RIMS2: variants seen among roughly 807,000 people sequenced by gnomAD.
RIMS2 encodes regulating synaptic membrane exocytosis 2.
Under a neutral mutation model 174.4 loss-of-function variants are expected in RIMS2, and 59 were observed. The observed-to-expected ratio is 0.34, with a 90% CI of 0.27 to 0.42. The LOEUF (loss-of-function observed/expected upper bound fraction) is 0.42, where lower values mean the gene tolerates loss of function less well. RIMS2 is among the 10% of genes least tolerant of loss of function. RIMS2 has a pLI of 1.00. For missense variants in RIMS2, 1,620 were observed against 1,666.3 expected (o/e 0.97, Z 0.48); for synonymous variants, 606 against 572.5 (o/e 1.06, Z -0.84).
At chr8:103,764,894 G>A (rs1431396954) in intron 2 of RIMS2, among the ~76,000 whole-genome samples, 1 of 151,766 alleles carries the variant, frequency 6.6e-6, no homozygotes, top group Non-Finnish European at 1.5e-5. Flanking sequence ...ATTTAATTGG[G>A]GAGAAAAGAA....
intron 19 of RIMS2, 52 bp downstream of exon 25, chr8:104,148,900 A>T (rs969623883): frequency 6.5e-7 from 1 of 1,546,028 alleles, no homozygotes; most frequent in African/African-American, 1.4e-5. Flanking sequence ...TCATTACAAG[A>T]TATATTTCTT....
chr8:103,688,904 T>C (rs1358034727), intron 1 of RIMS2, among the ~76,000 whole-genome samples: 1 of 152,110 alleles, frequency 6.6e-6, no homozygotes, highest in African/African-American at 2.4e-5. Flanking sequence ...TGGGCTTAGT[T>C]TGTTCTTCTT....
chr8:104,087,114 C>A (rs2097549604), intron 19 of RIMS2, among the ~76,000 whole-genome samples: 1 of 152,058 alleles, frequency 6.6e-6, no homozygotes, highest in South Asian at 2.1e-4. Flanking sequence ...GGTGACTAAA[C>A]TCTATACAGC....
chr8:103,880,526 C>A, intron 3 of RIMS2: 1 of 388,824 alleles, frequency 2.6e-6, no homozygotes, highest in Non-Finnish European at 4.6e-6. Context: ...TGAAATAAAA[C>A]AATTGTAAAC....
At chr8:103,506,066 C>T (rs1325345089) in intron 1 of RIMS2, among the ~76,000 whole-genome samples, 2 of 151,776 alleles carry the variant, frequency 1.3e-5, no homozygotes, top group Non-Finnish European at 2.9e-5. Flanking sequence ...TTAAAAAGTA[C>T]CAATTGAATC....
intron 1 of RIMS2, among the ~76,000 whole-genome samples, chr8:103,608,605 C>T (rs554960915): frequency 6.7e-6 from 1 of 150,284 alleles, no homozygotes; most frequent in African/African-American, 2.5e-5. Context: ...TGCCGCCTTG[C>T]AGTTTGATCT....
intron 1 of RIMS2, among the ~76,000 whole-genome samples, chr8:103,578,814 C>T (rs955402665): frequency 6.3e-5 from 6 of 95,732 alleles, no homozygotes; most frequent in Non-Finnish European, 1.2e-4. Flanking sequence ...CCAGCCTGGC[C>T]AACTGTTTCT....
At chr8:103,867,491 A>T (rs1047348166) in intron 3 of RIMS2, among the ~76,000 whole-genome samples, 5 of 151,980 alleles carry the variant, frequency 3.3e-5, no homozygotes, top group Admixed American at 1.3e-4. Flanking sequence ...TAACCTTTTA[A>T]GTTTTCTAAG....
intron 15 of RIMS2, among the ~76,000 whole-genome samples, chr8:103,971,402 A>T (rs1028605862): frequency 2.0e-5 from 3 of 152,066 alleles, no homozygotes; most frequent in African/African-American, 7.2e-5. Context: ...TACAATGATG[A>T]TCTCTTTATA....
chr8:103,718,637 C>T (rs1191272888), intron 2 of RIMS2, among the ~76,000 whole-genome samples: 1 of 151,858 alleles, frequency 6.6e-6, no homozygotes, highest in Non-Finnish European at 1.5e-5. Context: ...CTGTTTTTGA[C>T]TCTGCTCAAT....
chr8:103,735,290 T>TAA (rs1323327957), intron 2 of RIMS2, among the ~76,000 whole-genome samples: 1 of 152,210 alleles, frequency 6.6e-6, no homozygotes, highest in African/African-American at 2.4e-5. Context: ...TTTTCATTGT[T>TAA]AAAGTGGGAG....
chr8:104,159,871 G>A (rs1374695730), intron 19 of RIMS2, among the ~76,000 whole-genome samples: 1 of 152,118 alleles, frequency 6.6e-6, no homozygotes. Context: ...GGGCACGGTG[G>A]CTCATGCCTG....
chr8:103,605,423 T>G lies in RIMS2; in HGVS notation c.177-91663T>G, dbSNP rs2095012290. 2.1e-5 allele frequency among the ~76,000 whole-genome samples: 3 copies of G among 144,746 alleles called. 1 individual carries two copies. The highest frequency in any genetic ancestry group is 8.0e-5 in the African/African-American group (3 of 37,486). The allele number at this position is 144,746 out of a possible 152,430, so 95.0% of individuals were successfully genotyped here. A position where few individuals can be genotyped will look rare whatever the true frequency, so the allele number is the denominator to read the frequency against. ...TTGCCAGTATTTTATTGAGGATTTT[T>G]GCATCAATATTCATCAAGGGTATTG... is the stretch of plus-strand genomic sequence containing the variant. On this transcript the variant is annotated intron_variant, in intron 1 of 23. Transcript: ENST00000504942.
intron 2 of RIMS2, among the ~76,000 whole-genome samples, chr8:103,716,839 C>T (rs1489547612): frequency 6.6e-6 from 1 of 151,614 alleles, no homozygotes; most frequent in African/African-American, 2.4e-5. Context: ...AAAATGTTTA[C>T]CTTATTATCT....
At chr8:103,503,021 A>G (rs1198399677) in intron 1 of RIMS2, among the ~76,000 whole-genome samples, 1 of 152,044 alleles carries the variant, frequency 6.6e-6, no homozygotes, top group Non-Finnish European at 1.5e-5. Flanking sequence ...TTCAATACAT[A>G]TAATATTTAC....
chr8:103,683,107 C>T (rs1291373033), intron 1 of RIMS2, among the ~76,000 whole-genome samples: 1 of 152,096 alleles, frequency 6.6e-6, no homozygotes, highest in Admixed American at 6.6e-5. Flanking sequence ...TCCTTGGTAT[C>T]TTAGTCCATT....
chr8:103,707,795 G>A (rs1272946331), intron 2 of RIMS2, among the ~76,000 whole-genome samples: 3 of 152,196 alleles, frequency 2.0e-5, no homozygotes, highest in African/African-American at 7.2e-5. Flanking sequence ...TTTACTTAAG[G>A]CTAAGGCCAC....
intron 19 of RIMS2, among the ~76,000 whole-genome samples, chr8:104,155,310 G>T (rs2098715314): frequency 6.6e-6 from 1 of 150,492 alleles, no homozygotes; most frequent in East Asian, 2.0e-4. Flanking sequence ...GTTTCACCGT[G>T]TTACCCAGGA....
intron 19 of RIMS2, among the ~76,000 whole-genome samples, chr8:104,198,570 G>GT (rs1293115435): frequency 6.6e-6 from 1 of 152,150 alleles, no homozygotes; most frequent in Non-Finnish European, 1.5e-5. Context: ...TCTTACAAAT[G>GT]TTTTTCTCCT....
Sources: gnomAD v4.1 joint callset for allele counts (sites outside exome capture counted in the v4.1 genomes callset) on GRCh38, gnomAD v4.1.1 for gene constraint, MANE v1.5 for transcripts, NCBI Gene and HGNC (gene_info 2026-07-23, HGNC 2026-07-21) for gene names.